Variants in CNTN1 observed in about 807,000 individuals in gnomAD.
CNTN1 encodes the protein contactin 1, also known as contactin-1.
In CNTN1, 38 loss-of-function variants were observed where a neutral mutation model predicts 126.4. The observed-to-expected ratio is 0.30, with a 90% CI of 0.23 to 0.39. CNTN1 has a LOEUF of 0.39. Ranked by LOEUF, CNTN1 falls within the 10% of genes least tolerant of loss-of-function variation. The probability of loss-of-function intolerance (pLI) is 1.00; values close to 1 mark genes in which losing one functional copy is unlikely to be tolerated. For synonymous variants in CNTN1, 413 were observed against 422.6 expected, an observed-to-expected ratio of 0.98 and a Z score of 0.28; for missense variants, 1,009 against 1,248.4, an observed-to-expected ratio of 0.81 and a Z score of 2.89.
intron 15 of CNTN1, chr12:40,972,451 A>G (rs1947546660): frequency 1.0e-6 from 1 of 982,900 alleles, no homozygotes; most frequent in Non-Finnish European, 1.2e-6. Context: ...GTGTTTAGGT[A>G]TGAGTTTCTC....
intron 1 of CNTN1, among the ~76,000 whole-genome samples, chr12:40,838,013 A>C (rs1358924845): frequency 6.6e-6 from 1 of 152,090 alleles, no homozygotes; most frequent in Non-Finnish European, 1.5e-5. Flanking sequence ...TTCTCCCCGG[A>C]GCATTGCACC....
intron 1 of CNTN1, among the ~76,000 whole-genome samples, chr12:40,694,630 A>T: frequency 6.6e-6 from 1 of 152,218 alleles, no homozygotes; most frequent in East Asian, 1.9e-4. Flanking sequence ...TCTGACATGT[A>T]TCCCTACAAA....
At chr12:40,939,768 C>T (rs1289636406) in intron 12 of CNTN1, among the ~76,000 whole-genome samples, 1 of 152,058 alleles carries the variant, frequency 6.6e-6, no homozygotes, top group African/African-American at 2.4e-5. Context: ...CAATGTCACA[C>T]AGCTAATAAA....
intron 6 of CNTN1, among the ~76,000 whole-genome samples, chr12:40,925,549 A>G (rs2405296): frequency 0.035 from 4,842 of 138,064 alleles, 108 homozygotes; most frequent in Middle Eastern, 0.11. Context: ...GTGTGTGTGT[A>G]TATATATACA....
rs566277871 is a variant in CNTN1, at chr12:40,841,791, C to T, written c.-76-66566C>T. Among the ~76,000 whole-genome samples the T allele has an allele frequency of 6.6e-5, 10 of 152,088 alleles. No individual in the cohort carries two copies. The East Asian group carries it at 7.7e-4, about 12-fold the overall frequency. On this transcript the variant is annotated intron_variant, in intron 1 of 23. Transcript: ENST00000551295. Reference sequence around the variant, plus strand: ...GGAATGTACCTCAACATAATAAAGGCCGTATAGGACAAACGCATAGCTAAC... The same window carrying T: ...GGAATGTACCTCAACATAATAAAGGTCGTATAGGACAAACGCATAGCTAAC...
intron 1 of CNTN1, among the ~76,000 whole-genome samples, chr12:40,898,938 C>T (rs189939855): frequency 1.3e-5 from 2 of 152,314 alleles, no homozygotes; most frequent in Admixed American, 6.5e-5. Context: ...GGTAGAACGA[C>T]TTAGAGTGGA....
chr12:40,932,596 T>C (rs1214743434), intron 7 of CNTN1, among the ~76,000 whole-genome samples: 3 of 151,960 alleles, frequency 2.0e-5, no homozygotes, highest in East Asian at 3.8e-4. Flanking sequence ...TTTGAGTTCC[T>C]AGACCTTTTA....
intron 23 of CNTN1, among the ~76,000 whole-genome samples, chr12:41,048,760 GAGA>G (rs1322427377): frequency 1.3e-5 from 2 of 152,132 alleles, no homozygotes; most frequent in Admixed American, 6.6e-5. Flanking sequence ...AGGAGAGAAA[GAGA>G]AGAAGGAGAG....
At chr12:40,860,108 C>A (rs1022518191) in intron 1 of CNTN1, among the ~76,000 whole-genome samples, 1 of 152,022 alleles carries the variant, frequency 6.6e-6, no homozygotes, top group Non-Finnish European at 1.5e-5. Flanking sequence ...GATCAGAAAT[C>A]GGATTTTTAA....
intron 17 of CNTN1, among the ~76,000 whole-genome samples, chr12:41,010,866 T>C (rs977117361): frequency 2.8e-4 from 29 of 103,556 alleles, no homozygotes; most frequent in African/African-American, 1.5e-3. Flanking sequence ...CTAGGGTTTG[T>C]TTTTTTTTTT....
At chr12:40,764,990 T>A (rs959416811) in intron 1 of CNTN1, among the ~76,000 whole-genome samples, 1 of 152,030 alleles carries the variant, frequency 6.6e-6, no homozygotes, top group Non-Finnish European at 1.5e-5. Flanking sequence ...ACAAAAATAT[T>A]TGTAAAATGT....
At chr12:40,808,170 C>A (rs1940928940) in intron 1 of CNTN1, among the ~76,000 whole-genome samples, 1 of 152,086 alleles carries the variant, frequency 6.6e-6, no homozygotes, top group African/African-American at 2.4e-5. Context: ...CATACTGGAA[C>A]ATTAGTTAAA....
At chr12:40,844,767 T>G (rs1268110077) in intron 1 of CNTN1, among the ~76,000 whole-genome samples, 1 of 152,150 alleles carries the variant, frequency 6.6e-6, no homozygotes, top group Non-Finnish European at 1.5e-5. Context: ...AAAGCATAAA[T>G]AGTTAAAAGT....
In CNTN1 at chr12:41,025,353, G is replaced by GT; in HGVS notation, c.2710+22dup. The GT allele has an allele frequency of 6.2e-7, 1 of 1,611,280 alleles. No homozygotes were observed. Among genetic ancestry groups the GT allele is most frequent in the South Asian group, 1.1e-5 (1 of 91,018 alleles). The stretch of plus-strand genomic sequence containing the variant: ...AGAAAGCACGTGAGTCTCACGTTTT[G>GT]TTTTTAGACTTGTCAAAAACTACCA... On this transcript the variant is annotated intron_variant, in intron 21 of 23. Coordinates refer to ENST00000551295, the MANE Select transcript of CNTN1 (RefSeq NM_001843.4).
At chr12:40,819,280 G>A (rs1369857912) in intron 1 of CNTN1, among the ~76,000 whole-genome samples, 1 of 152,178 alleles carries the variant, frequency 6.6e-6, no homozygotes, top group Non-Finnish European at 1.5e-5. Flanking sequence ...GAATGACCAG[G>A]AGGAGAGGCT....
intron 1 of CNTN1, among the ~76,000 whole-genome samples, chr12:40,821,259 A>G (rs1941432607): frequency 6.6e-6 from 1 of 152,236 alleles, no homozygotes; most frequent in South Asian, 2.1e-4. Flanking sequence ...CCAGAGAGAC[A>G]GATTGGCAGG....
intron 14 of CNTN1, among the ~76,000 whole-genome samples, chr12:40,956,203 G>T (rs1031720397): frequency 6.6e-6 from 1 of 152,082 alleles, no homozygotes; most frequent in Non-Finnish European, 1.5e-5. Context: ...TATTTAGCGT[G>T]ATTATTTGCT....
intron 1 of CNTN1, among the ~76,000 whole-genome samples, chr12:40,724,967 A>G (rs1942310393): frequency 1.3e-5 from 2 of 152,246 alleles, no homozygotes; most frequent in South Asian, 4.1e-4. Context: ...CCTGGAACTC[A>G]GAAAAATATA....
intron 1 of CNTN1, among the ~76,000 whole-genome samples, chr12:40,770,571 T>A (rs1939297689): frequency 6.6e-6 from 1 of 152,166 alleles, no homozygotes; most frequent in African/African-American, 2.4e-5. Flanking sequence ...GCTTTAGGTA[T>A]TGAAGCCATG....
Sources: gnomAD v4.1 joint callset for allele counts (sites outside exome capture counted in the v4.1 genomes callset) on GRCh38, gnomAD v4.1.1 for gene constraint, MANE v1.5 for transcripts, NCBI Gene and HGNC (gene_info 2026-07-23, HGNC 2026-07-21) for gene names.